Variants in PHIP observed in about 807,000 individuals in gnomAD.
PHIP encodes the protein PH-interacting protein.
A neutral mutation model predicts 236.8 loss-of-function variants in PHIP; 54 were observed. That is an observed-to-expected ratio of 0.23 (90% CI 0.18 to 0.29). The LOEUF (loss-of-function observed/expected upper bound fraction) is 0.29. Ranked by LOEUF, PHIP falls within the 10% of genes least tolerant of loss-of-function variation. The pLI is 1.00. For synonymous variants in PHIP, 756 were observed against 718.9 expected, an observed-to-expected ratio of 1.05 and a Z score of -0.83; for missense variants, 1,370 against 2,190.8, an observed-to-expected ratio of 0.63 and a Z score of 7.48.
At chr6:79,058,343 G>A (rs907384444) in intron 6 of PHIP, among the ~76,000 whole-genome samples, 5 of 151,910 alleles carry the variant, frequency 3.3e-5, no homozygotes, top group African/African-American at 1.2e-4. Context: ...CTGTGAATAA[G>A]GGAAGATAAA....
At chr6:79,071,253 C>G (rs553777401) in intron 4 of PHIP, among the ~76,000 whole-genome samples, 24 of 152,310 alleles carry the variant, frequency 1.6e-4, no homozygotes, top group Admixed American at 1.6e-3. Flanking sequence ...ACATTCATCA[C>G]TATTCAATAA....
chr6:79,075,316 T>C (rs976529865), intron 4 of PHIP, among the ~76,000 whole-genome samples: 5 of 152,074 alleles, frequency 3.3e-5, no homozygotes, highest in South Asian at 4.1e-4. Flanking sequence ...CCAGTAGATA[T>C]AGAGTAAGCA....
chr6:79,015,580 T>G, intron 14 of PHIP, 50 bp downstream of exon 14: 10 of 1,343,346 alleles, frequency 7.4e-6, no homozygotes, highest in Non-Finnish European at 1.0e-5. Flanking sequence ...AATGTTTCAT[T>G]CTATAGTCAG....
At position 78,940,909 on chromosome 6, in the gene PHIP, T is replaced by A; in HGVS notation, c.5250A>T (p.Ile1750=). The change falls in exon 40 of 40, where the codon ATA becomes ATT. Residue 1750 remains isoleucine, a synonymous_variant. Transcript: ENST00000275034. ...GTTCTTCAAACTCTTCTTCCTCATC[T>A]ATAGGATCATCTATCTTTTTTCGGT... The part of the protein sequence containing the change: ...RSNRKKIDDP[I]DEEEEFEELK... The A allele has an allele frequency of 6.2e-7, 1 of 1,613,836 alleles. No homozygotes were observed. The highest frequency in any genetic ancestry group is 8.5e-7 in the Non-Finnish European group (1 of 1,179,758).
At chr6:79,002,325 T>C (rs1197440335) in intron 16 of PHIP, among the ~76,000 whole-genome samples, 2 of 152,130 alleles carry the variant, frequency 1.3e-5, no homozygotes, top group Non-Finnish European at 2.9e-5. Context: ...ATCAGAAAAG[T>C]AGCTGCTTTA....
intron 24 of PHIP, among the ~76,000 whole-genome samples, chr6:78,975,812 T>C (rs1048817922): frequency 6.6e-6 from 1 of 150,398 alleles, no homozygotes; most frequent in East Asian, 2.0e-4. Context: ...GAATCCAACT[T>C]ACAAGGGATG....
chr6:79,021,392 C>T (rs1771110228), intron 9 of PHIP, among the ~76,000 whole-genome samples: 1 of 152,212 alleles, frequency 6.6e-6, no homozygotes, highest in Admixed American at 6.5e-5. Flanking sequence ...AGGTCATCTG[C>T]CTGCCTTGGC....
chr6:79,056,116 G>A (rs763552451), intron 6 of PHIP, among the ~76,000 whole-genome samples: 3 of 152,118 alleles, frequency 2.0e-5, no homozygotes, highest in Non-Finnish European at 4.4e-5. Context: ...CTGTCCTCCA[G>A]GACCTAACAG....
intron 9 of PHIP, among the ~76,000 whole-genome samples, chr6:79,020,631 T>C (rs1168686203): frequency 6.6e-6 from 1 of 152,240 alleles, no homozygotes; most frequent in Non-Finnish European, 1.5e-5. Context: ...AATAGTCCTA[T>C]AAACTACCAT....
At chr6:79,006,821 T>C (rs879916937) in intron 15 of PHIP, among the ~76,000 whole-genome samples, 23 of 152,070 alleles carry the variant, frequency 1.5e-4, no homozygotes, top group African/African-American at 4.8e-4. Flanking sequence ...TTTGGATATA[T>C]AGAAATAAAG....
rs997464947 is a variant in PHIP, at chr6:78,934,557, A to C, written c.*6136T>G. ...TTCAGAAAACCTCACACTTAACAACAATCAGGTCATGGCCGCAAGACACAG... is the reference window on the plus strand; with the variant it reads ...TTCAGAAAACCTCACACTTAACAACCATCAGGTCATGGCCGCAAGACACAG... On this transcript the variant is annotated 3_prime_UTR_variant, in exon 40 of 40. Coordinates refer to ENST00000275034, the MANE Select transcript of PHIP (RefSeq NM_017934.7). Among the ~76,000 whole-genome samples the C allele has an allele frequency of 2.0e-5, 3 of 152,236 alleles. No individual in the cohort carries two copies. The highest frequency in any genetic ancestry group is 7.2e-5 in the African/African-American group (3 of 41,468).
intron 6 of PHIP, among the ~76,000 whole-genome samples, chr6:79,054,305 A>G (rs1028561807): frequency 6.0e-5 from 9 of 151,112 alleles, no homozygotes; most frequent in Admixed American, 5.3e-4. Context: ...AAAGACCAAG[A>G]CAAAAAAGAA....
chr6:78,954,869 AAT>A lies in PHIP; in HGVS notation c.3996_3997del (p.Phe1333SerfsTer3). On this transcript the variant is annotated frameshift_variant, in exon 35 of 40. Coordinates refer to ENST00000275034, the MANE Select transcript of PHIP (RefSeq NM_017934.7). LOFTEE classifies it high-confidence loss of function. Reference sequence around the variant, plus strand: ...GAAAGGCTCTGAATCTTCACATTGAAATATGAGATTTAACAATTCTTCACACT... The same window carrying A: ...GAAAGGCTCTGAATCTTCACATTGAAATGAGATTTAACAATTCTTCACACT... 1 of 1,585,944 alleles carries A rather than the reference AAT, an allele frequency of 6.3e-7. No homozygotes were observed.
In PHIP at chr6:78,937,321, TTAA is replaced by T. The variant is rs1452133375; in HGVS notation, c.*3369_*3371del. ...AAGTAAACATTGTTAACTGGAGAAATTAATTTATATTACAAATCATATCTGAAA... is the reference window on the plus strand; with the variant it reads ...AAGTAAACATTGTTAACTGGAGAAATTTTATATTACAAATCATATCTGAAA... On this transcript the variant is annotated 3_prime_UTR_variant, in exon 40 of 40. Coordinates refer to ENST00000275034, the MANE Select transcript of PHIP (RefSeq NM_017934.7). The T allele has an allele frequency of 6.6e-6, 1 of 151,800 alleles. No individual in the cohort carries two copies. Among genetic ancestry groups the T allele is most frequent in the East Asian group, 1.9e-4 (1 of 5,188 alleles). 9.4% of individuals were successfully genotyped at this position (151,800 alleles called of 1,614,324 possible). A position where few individuals can be genotyped will look rare whatever the true frequency, so the allele number is the denominator to read the frequency against.
At chr6:79,047,868 A>G (rs915053953) in intron 6 of PHIP, among the ~76,000 whole-genome samples, 1 of 151,974 alleles carries the variant, frequency 6.6e-6, no homozygotes, top group African/African-American at 2.4e-5. Flanking sequence ...CAATTATAAT[A>G]CTCATTATGA....
chr6:79,004,494 C>CAA, intron 15 of PHIP: 1 of 700,516 alleles, frequency 1.4e-6, no homozygotes, highest in Non-Finnish European at 1.8e-6. Flanking sequence ...CTCAGTGCTT[C>CAA]TTCAGACTAT....
Position 78,966,134 on chromosome 6 carries a change from A to G in PHIP, c.3206-78T>C, listed in dbSNP as rs981984452. The G allele has an allele frequency of 3.5e-6, 3 of 867,160 alleles. No individual in the cohort carries two copies. In the African/African-American group the frequency reaches 4.9e-5, roughly 14 times the overall value. 53.7% of individuals were successfully genotyped at this position (867,160 alleles called of 1,614,324 possible). A position where few individuals can be genotyped will look rare whatever the true frequency, so the allele number is the denominator to read the frequency against. On this transcript the variant is annotated intron_variant, in intron 27 of 39. Coordinates refer to ENST00000275034, the MANE Select transcript of PHIP (RefSeq NM_017934.7). ...CTGCTTTTTCCTAACGTTAACCTTT[A>G]AGTACCTAAACTGCCTGTATGATTT...
At chr6:78,974,637 A>AT (rs770426405) in intron 24 of PHIP, among the ~76,000 whole-genome samples, 2 of 152,258 alleles carry the variant, frequency 1.3e-5, no homozygotes, top group Non-Finnish European at 2.9e-5. Context: ...AGCAAGACTA[A>AT]TAAAAGAAAA....
intron 24 of PHIP, among the ~76,000 whole-genome samples, chr6:78,977,892 C>A (rs1426462037): frequency 1.3e-5 from 2 of 152,012 alleles, no homozygotes; most frequent in Non-Finnish European, 2.9e-5. Context: ...TCAATTACCA[C>A]TTTATACTGT....
Sources: gnomAD v4.1 joint callset for allele counts (sites outside exome capture counted in the v4.1 genomes callset) on GRCh38, gnomAD v4.1.1 for gene constraint, MANE v1.5 for transcripts, NCBI Gene and HGNC (gene_info 2026-07-23, HGNC 2026-07-21) for gene names.